Variants in MTMR10 observed in about 807,000 individuals in gnomAD.
MTMR10 encodes the protein myotubularin-related protein 10.
A neutral mutation model predicts 88.1 loss-of-function variants in MTMR10; 56 were observed. That is an observed-to-expected ratio of 0.64 (90% CI 0.51 to 0.79). The LOEUF (loss-of-function observed/expected upper bound fraction) is 0.79, where lower values mean the gene tolerates loss of function less well. MTMR10 is among the 30% of genes least tolerant of loss of function. The pLI is 0.00. For synonymous variants in MTMR10, 380 were observed against 340.9 expected, an observed-to-expected ratio of 1.11 and a Z score of -1.26; for missense variants, 883 against 924.7, an observed-to-expected ratio of 0.95 and a Z score of 0.58.
chr15:30,937,155 C>T (rs2062878255), downstream of MTMR10: 12 of 1,613,970 alleles, frequency 7.4e-6, no homozygotes, highest in Admixed American at 1.7e-5. Flanking sequence ...TCGTCTTTCA[C>T]ATAAGCAGAT....
In MTMR10 at chr15:30,948,381, C is replaced by T. The variant is rs756334461; in HGVS notation, c.1298G>A (p.Ser433Asn). 45 of 1,613,602 alleles carry T rather than the reference C, an allele frequency of 2.8e-5. No homozygotes were observed. In the Admixed American group the frequency reaches 7.5e-4, roughly 27 times the overall value. ...CATGACCCACTCCTTCTGTATCAGACTCTGAAATCCAGTAATTGTCCTAAA... is the reference window on the plus strand; with the variant it reads ...CATGACCCACTCCTTCTGTATCAGATTCTGAAATCCAGTAATTGTCCTAAA... ...PYFRTITGFQ[S>N]LIQKEWVMAG... Residue 433 changes from serine (S) to asparagine (N), a missense_variant, in exon 13 of 16, where the codon AGT becomes AAT. Coordinates refer to ENST00000435680, the MANE Select transcript of MTMR10 (RefSeq NM_017762.3).
intron 9 of MTMR10, 37 bp downstream of exon 9, chr15:30,958,826 A>AAACT: frequency 6.3e-7 from 1 of 1,596,388 alleles, no homozygotes; most frequent in Non-Finnish European, 8.6e-7. Flanking sequence ...ACAACAAGTA[A>AAACT]AACTATCTAA....
In MTMR10 at chr15:30,941,699, C is replaced by T. The variant is rs1350420592; in HGVS notation, c.2105G>A (p.Gly702Asp). Reference protein sequence around the residue: ...LSRMLRQQRSGPLEACYGELG... With the variant: ...LSRMLRQQRSDPLEACYGELG... The stretch of plus-strand genomic sequence containing the variant: ...CTCCCCATAGCAGGCCTCCAGGGGG[C>T]CACTGCGCTGTTGCCGCAGCATCCT... Residue 702 changes from glycine to aspartate, a missense_variant, in exon 16 of 16, where the codon GGC (glycine) becomes GAC (aspartate). Physicochemically the swap from Gly to Asp is moderately conservative, Grantham distance 94. Transcript: ENST00000435680. 7 of 1,613,828 alleles carry T rather than the reference C, an allele frequency of 4.3e-6. No homozygotes were observed. Among genetic ancestry groups the T allele is most frequent in the Non-Finnish European group, 5.9e-6 (7 of 1,179,810 alleles).
In MTMR10 at chr15:30,941,931, T is replaced by C. The variant is rs2063069480; in HGVS notation, c.1873A>G (p.Ser625Gly). 1 of 1,614,066 alleles carries C rather than the reference T, an allele frequency of 6.2e-7. No homozygotes were observed. The highest frequency in any genetic ancestry group is 2.2e-5 in the East Asian group (1 of 44,892). Residue 625 changes from serine to glycine, a missense_variant, in exon 16 of 16, where the codon AGT (serine) becomes GGT (glycine). Physicochemically the swap from Ser to Gly is moderately conservative, Grantham distance 56. Around this residue, in one of 3 missense-constraint regions of MTMR10, gnomAD observed 343 missense variants for 323.2 expected, o/e 1.06. Coordinates refer to ENST00000435680, the MANE Select transcript of MTMR10 (RefSeq NM_017762.3). ...DPAQQTDSQN[S>G]DTEQYFREWF... ...TCTCTAAAATACTGCTCCGTATCACTGTTCTGGCTGTCGGTTTGCTGAGCT... is the reference window on the plus strand; with the variant it reads ...TCTCTAAAATACTGCTCCGTATCACCGTTCTGGCTGTCGGTTTGCTGAGCT...
chr15:30,941,952 G>C lies in MTMR10; in HGVS notation c.1852C>G (p.Gln618Glu). ...LILKPKPDPA[Q>E]QTDSQNSDTE... Reference sequence around the variant, plus strand: ...TCACTGTTCTGGCTGTCGGTTTGCTGAGCTGGATCTGGCTTTGGTTTTAAT... The same window carrying C: ...TCACTGTTCTGGCTGTCGGTTTGCTCAGCTGGATCTGGCTTTGGTTTTAAT... The change falls in exon 16 of 16, where the codon CAG becomes GAG. Residue 618 changes from glutamine to glutamate, a missense_variant. By Grantham distance (29) the Gln-to-Glu change is conservative (BLOSUM62 2). This residue lies in a region of MTMR10 where 343 missense variants were observed against 323.2 expected (regional missense o/e 1.06). Transcript: ENST00000435680. The C allele has an allele frequency of 6.2e-7, 1 of 1,614,016 alleles. No individual in the cohort carries two copies.
At chr15:30,975,206 G>C (rs938533473) in intron 3 of MTMR10, among the ~76,000 whole-genome samples, 1 of 152,068 alleles carries the variant, frequency 6.6e-6, no homozygotes, top group Non-Finnish European at 1.5e-5. Flanking sequence ...TAATACCTAA[G>C]ATAGGGAATA....
At position 30,948,209 on chromosome 15, in the gene MTMR10, A is replaced by G. The variant is rs977263947; in HGVS notation, c.1377+93T>C. 4 of 1,181,928 alleles carry G rather than the reference A, an allele frequency of 3.4e-6. No individual in the cohort carries two copies. In the African/African-American group the frequency reaches 6.2e-5, roughly 18 times the overall value. The allele number at this position is 1,181,928 out of a possible 1,614,324, so 73.2% of individuals were successfully genotyped here. On this transcript the variant is annotated intron_variant, in intron 13 of 15. Coordinates refer to ENST00000435680, the MANE Select transcript of MTMR10 (RefSeq NM_017762.3). ...AAGGAAATTAAGTTGTACTAAATAC[A>G]GTATTTTTTAAAAGCCCCTTCATCT...
At chr15:30,943,992 T>C in intron 14 of MTMR10, 22 of 985,400 alleles carry the variant, frequency 2.2e-5, no homozygotes, top group Non-Finnish European at 2.7e-5. Context: ...CTTTGTTCTG[T>C]ACCTTTCAGT....
chr15:30,920,302 G>A, the MTMR10 span, among the ~76,000 whole-genome samples: 5 of 152,174 alleles, frequency 3.3e-5, no homozygotes, highest in African/African-American at 4.8e-5. Context: ...GCTGTGGGCC[G>A]GAGTTTGCTG....
intron 2 of MTMR10, among the ~76,000 whole-genome samples, chr15:30,979,396 T>TAA (rs35722257): frequency 6.8e-6 from 1 of 146,176 alleles, no homozygotes. Flanking sequence ...CCATCTCTAT[T>TAA]AAAAAAAAAA....
intron 2 of MTMR10, among the ~76,000 whole-genome samples, chr15:30,982,532 G>C (rs1225734928): frequency 6.6e-6 from 1 of 152,108 alleles, no homozygotes; most frequent in Non-Finnish European, 1.5e-5. Context: ...GGACTCTCTG[G>C]GCCAGGGTCT....
rs150655335 is a variant in MTMR10 at position 30,947,454 on chromosome 15, T to C, written c.1378-154A>G. On this transcript the variant is annotated intron_variant, in intron 13 of 15. Coordinates refer to ENST00000435680, the MANE Select transcript of MTMR10 (RefSeq NM_017762.3). Reference sequence around the variant, plus strand: ...TTCTAAGCTGAGCTATACACATCTATCAAACCCAAGAAGTAACATTCAACC... The same window carrying C: ...TTCTAAGCTGAGCTATACACATCTACCAAACCCAAGAAGTAACATTCAACC... Among the ~76,000 whole-genome samples the C allele has an allele frequency of 3.7e-3, 559 of 150,800 alleles. 3 individuals carry two copies. The highest frequency in any genetic ancestry group is 0.013 in the African/African-American group (517 of 40,166).
At chr15:30,933,951 G>A (rs144974088), downstream of MTMR10, among the ~76,000 whole-genome samples, 480 of 152,006 alleles carry the variant, frequency 3.2e-3, 3 homozygotes, top group African/African-American at 0.011. Flanking sequence ...TTGTAGAGAT[G>A]GGGTTCCACC....
chr15:30,941,263 C>CAGAA lies in MTMR10; in HGVS notation c.*203_*206dup, dbSNP rs369368315. On this transcript the variant is annotated 3_prime_UTR_variant, in exon 16 of 16. Transcript: ENST00000435680. ...GTTACAAGAGCCAGACCTGTAATGA[C>CAGAA]AGAAAGAGGACAGGAACAAAATTTA... 13 of 1,471,948 alleles carry CAGAA rather than the reference C, an allele frequency of 8.8e-6. No individual in the cohort carries two copies. The highest frequency in any genetic ancestry group is 1.2e-5 in the Non-Finnish European group (13 of 1,107,322). 91.2% of individuals were successfully genotyped at this position (1,471,948 alleles called of 1,614,324 possible).
At chr15:30,959,480 C>T (rs2063372161) in intron 7 of MTMR10, among the ~76,000 whole-genome samples, 1 of 152,184 alleles carries the variant, frequency 6.6e-6, no homozygotes, top group Admixed American at 6.5e-5. Flanking sequence ...GAAAACCCCA[C>T]AAATCTACCA....
chr15:30,925,730 G>A, the MTMR10 span: 3 of 1,593,956 alleles, frequency 1.9e-6, no homozygotes, highest in Middle Eastern at 1.7e-4. Context: ...GCTACAGGCA[G>A]GTTTTCAGGG....
At chr15:30,978,950 C>A (rs1187365732) in intron 2 of MTMR10, among the ~76,000 whole-genome samples, 1 of 151,906 alleles carries the variant, frequency 6.6e-6, no homozygotes, top group African/African-American at 2.4e-5. Context: ...AAATTTAAAT[C>A]TTCTTTGGCT....
chr15:30,920,568 T>C, the MTMR10 span: 1 of 1,612,094 alleles, frequency 6.2e-7, no homozygotes, highest in Non-Finnish European at 8.5e-7. Flanking sequence ...TTACCACTCT[T>C]CCTGCGGTGT....
At position 30,940,492 on chromosome 15, in the gene MTMR10, G is replaced by C. The variant is rs1463802470; in HGVS notation, c.*978C>G. ...AGGTGCCCAACTCGTAACCTCATTAGTTATTTCCAGGGGGAAGTGCCAGCA... is the reference window on the plus strand; with the variant it reads ...AGGTGCCCAACTCGTAACCTCATTACTTATTTCCAGGGGGAAGTGCCAGCA... On this transcript the variant is annotated 3_prime_UTR_variant, in exon 16 of 16. Transcript: ENST00000435680. 7.1e-6 allele frequency: 7 copies of C among 985,462 alleles called. No individual in the cohort carries two copies. In the East Asian group the frequency reaches 4.5e-4, roughly 64 times the overall value. The allele number at this position is 985,462 out of a possible 1,614,324, so 61.0% of individuals were successfully genotyped here. A position where few individuals can be genotyped will look rare whatever the true frequency, so the allele number is the denominator to read the frequency against.
Sources: allele counts gnomAD v4.1 joint callset (sites outside exome capture counted in the v4.1 genomes callset), GRCh38; gene constraint gnomAD v4.1.1; regional missense constraint gnomAD v4.1.1; transcripts MANE v1.5; gene names NCBI Gene and HGNC (gene_info 2026-07-23, HGNC 2026-07-21).